Variants in ARL15 observed in about 807,000 individuals in gnomAD.
The protein encoded by ARL15 is ADP-ribosylation factor-like protein 15.
In ARL15, 19 loss-of-function variants were observed where a neutral mutation model predicts 25.2. That is an observed-to-expected ratio of 0.75 (90% CI 0.53 to 1.10). The LOEUF is 1.10. ARL15 is among the 50% of genes least tolerant of loss of function. The probability of loss-of-function intolerance (pLI) is 0.00; values close to 1 mark genes in which losing one functional copy is unlikely to be tolerated. For synonymous variants in ARL15, 94 were observed against 86.8 expected (o/e 1.08, Z -0.46); for missense variants, 220 against 246.0 (o/e 0.89, Z 0.71).
intron 4 of ARL15, among the ~76,000 whole-genome samples, chr5:54,069,690 C>T (rs1419911284): frequency 1.3e-5 from 2 of 151,572 alleles, no homozygotes; most frequent in Non-Finnish European, 2.9e-5. Flanking sequence ...CTCAGTCACC[C>T]ACGCTGGAGT....
intron 1 of ARL15, among the ~76,000 whole-genome samples, chr5:54,307,685 T>C (rs1160980227): frequency 6.6e-6 from 1 of 152,122 alleles, no homozygotes; most frequent in Non-Finnish European, 1.5e-5. Flanking sequence ...TCCACCTTTC[T>C]CTCCCTTCTT....
intron 4 of ARL15, among the ~76,000 whole-genome samples, chr5:53,923,848 G>C (rs1188712505): frequency 1.3e-5 from 2 of 151,968 alleles, no homozygotes; most frequent in Admixed American, 1.3e-4. Flanking sequence ...CTGGGCAACA[G>C]AGCAAGACTC....
chr5:54,027,968 G>A (rs1169759533), intron 4 of ARL15, among the ~76,000 whole-genome samples: 5 of 151,936 alleles, frequency 3.3e-5, no homozygotes, highest in Non-Finnish European at 5.9e-5. Flanking sequence ...CCAGGCTGGA[G>A]TGCAGAGGCG....
At chr5:54,113,002 G>T in intron 4 of ARL15, 200 bp downstream of exon 4, 1 of 540,562 alleles carries the variant, frequency 1.8e-6, no homozygotes, top group Non-Finnish European at 3.2e-6. Context: ...AGAAAACTCT[G>T]TGCTCTCCAA....
intron 1 of ARL15, among the ~76,000 whole-genome samples, chr5:54,270,244 C>G (rs953039290): frequency 6.6e-6 from 1 of 152,200 alleles, no homozygotes; most frequent in Non-Finnish European, 1.5e-5. Flanking sequence ...TAGAGTCATT[C>G]ACTTTCTCAA....
rs16881846 is a variant in ARL15 at position 53,919,166 on chromosome 5, C to G, written c.463-32453G>C. ...AAAACAGGAACCATATTGCAAAGAT[C>G]AGCAGTCATACAGTTTTCCTTAACA... is the stretch of plus-strand genomic sequence containing the variant. On this transcript the variant is annotated intron_variant, in intron 4 of 4. Transcript: ENST00000504924. Among the ~76,000 whole-genome samples the G allele has an allele frequency of 6.8e-3, 1,032 of 152,296 alleles. 10 individuals carry two copies. The highest frequency in any genetic ancestry group is 0.024 in the African/African-American group (992 of 41,556).
chr5:53,988,718 T>C (rs995919887), intron 4 of ARL15, among the ~76,000 whole-genome samples: 7 of 152,112 alleles, frequency 4.6e-5, no homozygotes, highest in Admixed American at 1.3e-4. Flanking sequence ...AGTAGGTCAG[T>C]TGAAGAAGAT....
chr5:54,203,184 T>C (rs1044418935), intron 1 of ARL15, among the ~76,000 whole-genome samples: 2 of 152,090 alleles, frequency 1.3e-5, no homozygotes, highest in African/African-American at 4.8e-5. Context: ...CACTCCCCCC[T>C]CACTGTTAAA....
chr5:54,141,010 C>T (rs1250506709), intron 3 of ARL15, among the ~76,000 whole-genome samples: 1 of 152,102 alleles, frequency 6.6e-6, no homozygotes, highest in Non-Finnish European at 1.5e-5. Context: ...ATCACCAACA[C>T]GAATAATTAT....
chr5:54,167,191 G>T (rs1369871233), intron 2 of ARL15, among the ~76,000 whole-genome samples: 1 of 152,182 alleles, frequency 6.6e-6, no homozygotes, highest in Non-Finnish European at 1.5e-5. Flanking sequence ...GCCTTGGGAA[G>T]TTTCCTCACA....
chr5:54,114,456 C>T (rs1258277172), intron 3 of ARL15, among the ~76,000 whole-genome samples: 4 of 146,824 alleles, frequency 2.7e-5, no homozygotes, highest in African/African-American at 5.0e-5. Flanking sequence ...TCAGCCAAGG[C>T]ATGTCATGTA....
chr5:54,014,439 T>A (rs1344982998), intron 4 of ARL15, among the ~76,000 whole-genome samples: 2 of 152,142 alleles, frequency 1.3e-5, no homozygotes, highest in Non-Finnish European at 2.9e-5. Flanking sequence ...CCATTAATTC[T>A]CCCAAGTAAT....
intron 1 of ARL15, among the ~76,000 whole-genome samples, chr5:54,202,395 A>G (rs1296142317): frequency 3.3e-5 from 5 of 152,208 alleles, no homozygotes; most frequent in Non-Finnish European, 7.3e-5. Context: ...GGAGGAAGTC[A>G]GAAGAGTCAG....
At chr5:54,025,934 C>T (rs1378608058) in intron 4 of ARL15, among the ~76,000 whole-genome samples, 1 of 152,056 alleles carries the variant, frequency 6.6e-6, no homozygotes, top group African/African-American at 2.4e-5. Context: ...ATTAGAAATA[C>T]CAACTTCCTA....
chr5:54,171,974 GA>G, intron 1 of ARL15, 46 bp from the exon 2 acceptor site: 5 of 1,589,312 alleles, frequency 3.1e-6, no homozygotes, highest in Non-Finnish European at 4.3e-6. Flanking sequence ...TGACAGTATG[GA>G]AATAAACCAT....
At chr5:54,122,746 C>A (rs954443684) in intron 3 of ARL15, among the ~76,000 whole-genome samples, 7 of 152,146 alleles carry the variant, frequency 4.6e-5, no homozygotes, top group Admixed American at 3.9e-4. Flanking sequence ...AAAGCAAACA[C>A]AAATCTAAGC....
chr5:54,059,588 A>G (rs1194851512), intron 4 of ARL15, among the ~76,000 whole-genome samples: 3 of 152,210 alleles, frequency 2.0e-5, no homozygotes, highest in African/African-American at 7.2e-5. Context: ...AAGAATACAG[A>G]AAGGTCTGGA....
chr5:54,019,881 T>G (rs1027556508), intron 4 of ARL15, among the ~76,000 whole-genome samples: 2 of 152,224 alleles, frequency 1.3e-5, no homozygotes, highest in Non-Finnish European at 2.9e-5. Context: ...TCACAAAATA[T>G]CTACAAAAGC....
At chr5:54,208,050 A>G (rs554348697) in intron 1 of ARL15, among the ~76,000 whole-genome samples, 6 of 152,214 alleles carry the variant, frequency 3.9e-5, no homozygotes, top group Non-Finnish European at 8.8e-5. Context: ...TGCTTCCCCC[A>G]CCACTGAGGC....
Sources: gnomAD v4.1 joint callset for allele counts (sites outside exome capture counted in the v4.1 genomes callset) on GRCh38, gnomAD v4.1.1 for gene constraint, MANE v1.5 for transcripts, NCBI Gene and HGNC (gene_info 2026-07-23, HGNC 2026-07-21) for gene names.